The following ATP6V0A2 variants were observed in gnomAD, a reference collection of about 807,000 sequenced individuals.
ATP6V0A2 encodes the protein ATPase H+ transporting V0 subunit a2, also known as V-type proton ATPase 116 kDa subunit a 2.
In ATP6V0A2, 58 loss-of-function variants were observed where a neutral mutation model predicts 104.4. That is an observed-to-expected ratio of 0.56 (90% CI 0.45 to 0.69). The LOEUF (loss-of-function observed/expected upper bound fraction) is 0.69. Among genes scored for constraint, ATP6V0A2 ranks in the 30% least tolerant of loss-of-function variants. The probability of loss-of-function intolerance (pLI) is 0.00; values close to 1 mark genes in which losing one functional copy is unlikely to be tolerated. For missense variants in ATP6V0A2, 938 were observed against 1,062.9 expected (o/e 0.88, Z 1.63); for synonymous variants, 376 against 397.9 (o/e 0.95, Z 0.65).
At chr12:123,757,113 C>A in intron 19 of ATP6V0A2, 127 bp downstream of exon 19, 2 of 1,064,814 alleles carry the variant, frequency 1.9e-6, no homozygotes, top group Non-Finnish European at 2.8e-6. Flanking sequence ...TTCTTCCCTT[C>A]CCTTGGGATC....
chr12:123,751,564 G>T (rs1412524868), intron 16 of ATP6V0A2, among the ~76,000 whole-genome samples: 1 of 152,104 alleles, frequency 6.6e-6, no homozygotes, highest in Non-Finnish European at 1.5e-5. Flanking sequence ...TGAGGTGGAA[G>T]GATGGCTTGA....
chr12:123,733,393 G>A (rs1162813793), intron 6 of ATP6V0A2: 1 of 152,906 alleles, frequency 6.5e-6, no homozygotes, highest in Admixed American at 6.5e-5. Context: ...GGGAAGTACG[G>A]GAGTTGAGTC....
At chr12:123,740,078 G>T (rs1312928165) in intron 9 of ATP6V0A2, among the ~76,000 whole-genome samples, 1 of 152,058 alleles carries the variant, frequency 6.6e-6, no homozygotes, top group Non-Finnish European at 1.5e-5. Flanking sequence ...TGGGAGGATC[G>T]CTTGAGCCTG....
chr12:123,742,930 T>C (rs2135908096), intron 9 of ATP6V0A2, among the ~76,000 whole-genome samples: 1 of 152,326 alleles, frequency 6.6e-6, no homozygotes, highest in South Asian at 2.1e-4. Flanking sequence ...TATAAATCAA[T>C]ATAATGCATT....
intron 8 of ATP6V0A2, among the ~76,000 whole-genome samples, chr12:123,736,026 C>T (rs909204266): frequency 4.6e-5 from 7 of 151,886 alleles, no homozygotes; most frequent in Non-Finnish European, 1.0e-4. Context: ...TCACGCACCA[C>T]CATGCCCGGC....
intron 2 of ATP6V0A2, 46 bp downstream of exon 2, chr12:123,718,747 T>C (rs766444824): frequency 7.4e-7 from 1 of 1,350,976 alleles, no homozygotes; most frequent in Non-Finnish European, 1.1e-6. Flanking sequence ...TACCTTTATA[T>C]AGGCAAACCT....
chr12:123,721,189 G>GT (rs1566274589), intron 2 of ATP6V0A2: 2 of 106,998 alleles, frequency 1.9e-5, no homozygotes, highest in Admixed American at 2.2e-4. Context: ...CATGAATCTA[G>GT]GTGTTTTGTT....
intron 1 of ATP6V0A2, among the ~76,000 whole-genome samples, chr12:123,713,347 T>C (rs2135871889): frequency 6.6e-6 from 1 of 152,144 alleles, no homozygotes; most frequent in South Asian, 2.1e-4. Flanking sequence ...GTGTAAGGAC[T>C]TAAGAACTCA....
At position 123,756,953 on chromosome 12, in the gene ATP6V0A2, T is replaced by G. The variant is rs778642108; in HGVS notation, c.2432T>G (p.Leu811Arg). The G allele has an allele frequency of 6.2e-7, 1 of 1,614,222 alleles. No homozygotes were observed. Among genetic ancestry groups the G allele is most frequent in the East Asian group, 2.2e-5 (1 of 44,884 alleles). The part of the protein sequence containing the change: ...TIFILLIMEG[L>R]SAFLHAIRLH... ...TTCATCCTTCTGATCATGGAAGGGC[T>G]TTCTGCGTTTCTTCACGCCATACGC... Residue 811 changes from leucine to arginine, a missense_variant, in exon 19 of 20, where the codon CTT becomes CGT. By Grantham distance (102) the Leu-to-Arg change is moderately radical. Coordinates refer to ENST00000330342, the MANE Select transcript of ATP6V0A2 (RefSeq NM_012463.4).
chr12:123,718,751 C>A, intron 2 of ATP6V0A2, 50 bp downstream of exon 2: 1 of 1,329,594 alleles, frequency 7.5e-7, no homozygotes. Context: ...TTTATATAGG[C>A]AAACCTTGTT....
chr12:123,758,034 C>T lies in ATP6V0A2; in HGVS notation c.*2C>T, dbSNP rs757855297. ...AATAACGACGACAGTGTGGCATGAT[C>T]ATATTGCTGTAACCAACAAGCTTTC... On this transcript the variant is annotated 3_prime_UTR_variant, in exon 20 of 20. Transcript: ENST00000330342. The T allele has an allele frequency of 6.3e-7, 1 of 1,582,204 alleles. No individual in the cohort carries two copies. Among genetic ancestry groups the T allele is most frequent in the East Asian group, 2.2e-5 (1 of 44,688 alleles).
intron 18 of ATP6V0A2, 38 bp downstream of exon 18, chr12:123,754,575 G>T: frequency 6.9e-7 from 1 of 1,445,476 alleles, no homozygotes; most frequent in Non-Finnish European, 9.7e-7. Context: ...CCAATGCCCT[G>T]TAGTGCCAGC....
At chr12:123,755,220 T>C (rs1956751897) in intron 18 of ATP6V0A2, among the ~76,000 whole-genome samples, 1 of 152,032 alleles carries the variant, frequency 6.6e-6, no homozygotes, top group Admixed American at 6.6e-5. Flanking sequence ...GGTGCAATGT[T>C]GCAAGTGGGT....
chr12:123,752,254 C>T, intron 16 of ATP6V0A2, 29 bp from the exon 17 acceptor site: 1 of 1,613,822 alleles, frequency 6.2e-7, no homozygotes, highest in Non-Finnish European at 8.5e-7. Flanking sequence ...GTTTTACAGG[C>T]ACTGACTCTG....
At chr12:123,749,621 C>T (rs755894978) in intron 15 of ATP6V0A2, among the ~76,000 whole-genome samples, 13 of 152,232 alleles carry the variant, frequency 8.5e-5, no homozygotes, top group African/African-American at 2.7e-4. Context: ...TGCGTACGAA[C>T]GTGCTTGCAC....
chr12:123,745,534 A>G (rs531108903), intron 13 of ATP6V0A2, among the ~76,000 whole-genome samples: 17 of 152,076 alleles, frequency 1.1e-4, no homozygotes, highest in Admixed American at 6.6e-4. Flanking sequence ...GTGAAACCCC[A>G]TCTCTACTAA....
chr12:123,737,472 C>G, intron 9 of ATP6V0A2: 1 of 590,610 alleles, frequency 1.7e-6, no homozygotes. Context: ...TGGTCTCAAA[C>G]TCCTGGCCCC....
chr12:123,757,562 C>G (rs1470877379), intron 19 of ATP6V0A2, among the ~76,000 whole-genome samples: 1 of 152,168 alleles, frequency 6.6e-6, no homozygotes, highest in Non-Finnish European at 1.5e-5. Context: ...ACAGGTTGCT[C>G]TGTCTTATTG....
chr12:123,743,369 A>G (rs1956627343), intron 9 of ATP6V0A2, among the ~76,000 whole-genome samples: 1 of 152,168 alleles, frequency 6.6e-6, no homozygotes, highest in African/African-American at 2.4e-5. Context: ...AAGCAGTAAC[A>G]CAAGGCTGGG....
Sources: gnomAD v4.1 joint callset for allele counts (sites outside exome capture counted in the v4.1 genomes callset) on GRCh38, gnomAD v4.1.1 for gene constraint, MANE v1.5 for transcripts, NCBI Gene and HGNC (gene_info 2026-07-23, HGNC 2026-07-21) for gene names.